The following TAB2 variants were observed in gnomAD, a reference collection of about 807,000 sequenced individuals.
TAB2 encodes the protein TGF-beta-activated kinase 1 and MAP3K7-binding protein 2.
Under a neutral mutation model 65.0 loss-of-function variants are expected in TAB2, and 3 were observed. The ratio of observed to expected loss-of-function variants is 0.05; its 90% confidence interval spans 0.02 to 0.12. The LOEUF (loss-of-function observed/expected upper bound fraction) is 0.12, where lower values mean the gene tolerates loss of function less well. TAB2 is among the 10% of genes least tolerant of loss of function. TAB2 has a pLI of 1.00. For synonymous variants in TAB2, 298 were observed against 285.1 expected (o/e 1.05, Z -0.46); for missense variants, 623 against 840.3 (o/e 0.74, Z 3.20).
intron 1 of TAB2, among the ~76,000 whole-genome samples, chr6:149,332,984 G>A (rs11155642): frequency 0.24 from 35,904 of 152,032 alleles, 4,426 homozygotes; most frequent in Non-Finnish European, 0.26. Flanking sequence ...CTAGCACTTC[G>A]TTTTATTTAC....
chr6:149,224,068 G>A (rs545759332), intron 1 of TAB2, among the ~76,000 whole-genome samples: 5 of 152,184 alleles, frequency 3.3e-5, no homozygotes, highest in Non-Finnish European at 7.3e-5. Flanking sequence ...GAAAAACAAT[G>A]TGATCACCTT....
intron 2 of TAB2, among the ~76,000 whole-genome samples, chr6:149,372,231 G>C (rs981207100): frequency 2.0e-5 from 3 of 152,032 alleles, no homozygotes; most frequent in African/African-American, 7.2e-5. Flanking sequence ...ATAATCTCTG[G>C]TATGTGTTAA....
At chr6:149,382,062 A>G (rs1781629227) in intron 3 of TAB2, among the ~76,000 whole-genome samples, 1 of 152,162 alleles carries the variant, frequency 6.6e-6, no homozygotes, top group Non-Finnish European at 1.5e-5. Flanking sequence ...ATCACTATCT[A>G]TTGCACTCAG....
intron 1 of TAB2, among the ~76,000 whole-genome samples, chr6:149,332,581 A>G (rs2114756682): frequency 6.6e-6 from 1 of 152,250 alleles, no homozygotes; most frequent in East Asian, 1.9e-4. Context: ...TGTCTTACTA[A>G]TTTTTAGAGC....
chr6:149,251,572 T>C (rs945594775), intron 1 of TAB2, among the ~76,000 whole-genome samples: 4 of 152,164 alleles, frequency 2.6e-5, no homozygotes, highest in Non-Finnish European at 5.9e-5. Flanking sequence ...CCCATGGCAG[T>C]TCCACACACG....
chr6:149,278,511 C>T (rs1778516662), intron 1 of TAB2, among the ~76,000 whole-genome samples: 1 of 152,140 alleles, frequency 6.6e-6, no homozygotes, highest in Non-Finnish European at 1.5e-5. Context: ...GAGAAGATCT[C>T]ATCCAGTTGA....
At chr6:149,275,216 G>T (rs9404024) in intron 1 of TAB2, among the ~76,000 whole-genome samples, 51 of 121,558 alleles carry the variant, frequency 4.2e-4, no homozygotes, top group Non-Finnish European at 5.2e-4. Context: ...CCCTTGGGCG[G>T]GGGAGGGGGG....
At chr6:149,294,511 A>C (rs1778840468) in intron 1 of TAB2, among the ~76,000 whole-genome samples, 1 of 152,256 alleles carries the variant, frequency 6.6e-6, no homozygotes, top group Non-Finnish European at 1.5e-5. Flanking sequence ...AACACAATTT[A>C]GCCTATAACA....
At chr6:149,298,611 A>G (rs1778919117) in intron 1 of TAB2, among the ~76,000 whole-genome samples, 1 of 152,196 alleles carries the variant, frequency 6.6e-6, no homozygotes. Flanking sequence ...TGTCTCAACA[A>G]CAACAAAAAA....
chr6:149,275,967 T>A (rs931455224), intron 1 of TAB2, among the ~76,000 whole-genome samples: 4 of 152,134 alleles, frequency 2.6e-5, no homozygotes, highest in Non-Finnish European at 5.9e-5. Flanking sequence ...CTGGGTAGGA[T>A]CCTGAAACAG....
At chr6:149,251,914 G>T (rs938175972) in intron 1 of TAB2, among the ~76,000 whole-genome samples, 2 of 152,080 alleles carry the variant, frequency 1.3e-5, no homozygotes, top group Admixed American at 1.3e-4. Context: ...AGCAAAGAAG[G>T]AATTAATGTA....
chr6:149,248,881 C>T (rs1027632849), intron 1 of TAB2, among the ~76,000 whole-genome samples: 1 of 152,090 alleles, frequency 6.6e-6, no homozygotes, highest in Non-Finnish European at 1.5e-5. Context: ...CGGCCACAGT[C>T]ACTGCTATTC....
At position 149,348,046 on chromosome 6, in the gene TAB2, A is replaced by G. The variant is rs1265731543; in HGVS notation, c.-89-21863A>G. ...TAAAGGTACTGTTTAAGAGTAATTCATGGCAGTGTGATAATGCCAGCCAAT... is the reference window on the plus strand; with the variant it reads ...TAAAGGTACTGTTTAAGAGTAATTCGTGGCAGTGTGATAATGCCAGCCAAT... On this transcript the variant is annotated intron_variant, in intron 1 of 6. Coordinates refer to ENST00000637181, the MANE Select transcript of TAB2 (RefSeq NM_001292034.3). Among the ~76,000 whole-genome samples, 4 of 152,192 alleles carry G rather than the reference A, an allele frequency of 2.6e-5. No homozygotes were observed. The East Asian group carries it at 5.8e-4, about 22-fold the overall frequency.
At chr6:149,286,416 G>T (rs137915013) in intron 1 of TAB2, among the ~76,000 whole-genome samples, 116 of 152,264 alleles carry the variant, frequency 7.6e-4, no homozygotes, top group African/African-American at 2.7e-3. Context: ...TCTTCAAACA[G>T]GATGAGGAAA....
At chr6:149,261,058 C>T (rs1301948658) in intron 1 of TAB2, among the ~76,000 whole-genome samples, 1 of 152,152 alleles carries the variant, frequency 6.6e-6, no homozygotes, top group Non-Finnish European at 1.5e-5. Context: ...AATGGAGAGG[C>T]CCTTTTTCAT....
rs781138500 is a variant in TAB2 at position 149,379,414 on chromosome 6, C to T, written c.1499C>T (p.Thr500Ile). 3.1e-6 allele frequency: 5 copies of T among 1,614,122 alleles called. No homozygotes were observed. In the Admixed American group the frequency reaches 8.3e-5, roughly 27 times the overall value. The change falls in exon 3 of 7, where the codon ACC (threonine) becomes ATC (isoleucine). Residue 500 changes from threonine to isoleucine, a missense_variant. Physicochemically the swap from Thr to Ile is moderately conservative, Grantham distance 89. Coordinates refer to ENST00000637181, the MANE Select transcript of TAB2 (RefSeq NM_001292034.3). ...LLNHPDHYVE[T>I]ENIQHLTDPT... ...AATCATCCTGATCATTATGTAGAAA[C>T]CGAGAATATTCAGCACCTCACGGAC...
intron 6 of TAB2, among the ~76,000 whole-genome samples, chr6:149,399,923 G>A (rs917117279): frequency 2.0e-5 from 3 of 152,244 alleles, no homozygotes; most frequent in African/African-American, 7.2e-5. Context: ...TTGTAAAGAT[G>A]CAGTAGTATT....
upstream of TAB2, among the ~76,000 whole-genome samples, chr6:149,316,691 C>A (rs946813981): frequency 1.4e-4 from 21 of 151,950 alleles, no homozygotes; most frequent in Admixed American, 2.0e-4. Context: ...ACTTGAAGGC[C>A]CCCCCTCTTC....
At chr6:149,342,263 G>A (rs575580414) in intron 1 of TAB2, among the ~76,000 whole-genome samples, 19 of 152,222 alleles carry the variant, frequency 1.2e-4, no homozygotes, top group East Asian at 9.7e-4. Context: ...TTAGGGGAGC[G>A]TTTAGAAGAT....
Sources: gnomAD v4.1 joint callset for allele counts (sites outside exome capture counted in the v4.1 genomes callset) on GRCh38, gnomAD v4.1.1 for gene constraint, MANE v1.5 for transcripts, NCBI Gene and HGNC (gene_info 2026-07-23, HGNC 2026-07-21) for gene names.